Variants in RASA1 observed in about 807,000 individuals in gnomAD.
RASA1 encodes the protein RAS p21 protein activator 1, also known as ras GTPase-activating protein 1.
RASA1 carries 25 observed loss-of-function variants against 132.2 expected under a neutral mutation model. That is an observed-to-expected ratio of 0.19 (90% CI 0.14 to 0.26). The LOEUF is 0.26. RASA1 is among the 10% of genes least tolerant of loss of function. RASA1 has a pLI of 1.00. For missense variants in RASA1, 964 were observed against 1,299.2 expected (o/e 0.74, Z 3.97); for synonymous variants, 477 against 449.9 (o/e 1.06, Z -0.76).
chr5:87,284,328 C>G (rs1754450423), intron 1 of RASA1, among the ~76,000 whole-genome samples: 1 of 152,154 alleles, frequency 6.6e-6, no homozygotes, highest in Non-Finnish European at 1.5e-5. Flanking sequence ...CTATAGGTTG[C>G]TTTCTCTCTC....
chr5:87,386,757 T>A lies in RASA1; in HGVS notation c.2848-69T>A. 2 of 1,393,628 alleles carry A rather than the reference T, an allele frequency of 1.4e-6. 1 individual carries two copies. The highest frequency in any genetic ancestry group is 2.3e-5 in the South Asian group (2 of 86,392). 86.3% of individuals were successfully genotyped at this position (1,393,628 alleles called of 1,614,324 possible). On this transcript the variant is annotated intron_variant, in intron 22 of 24. Coordinates refer to ENST00000274376, the MANE Select transcript of RASA1 (RefSeq NM_002890.3). Reference sequence around the variant, plus strand: ...TTTTGCTGTTAACTGTAATTACTTTTGCACCAACCTAATAGATCAAACAGT... The same window carrying A: ...TTTTGCTGTTAACTGTAATTACTTTAGCACCAACCTAATAGATCAAACAGT...
intron 1 of RASA1, among the ~76,000 whole-genome samples, chr5:87,328,675 A>G (rs1757405009): frequency 6.6e-6 from 1 of 152,182 alleles, no homozygotes; most frequent in African/African-American, 2.4e-5. Flanking sequence ...GGGGCTAATT[A>G]GAATATATGA....
chr5:87,367,974 T>TA (rs56965674), intron 11 of RASA1, among the ~76,000 whole-genome samples: 2,191 of 150,512 alleles, frequency 0.015, 25 homozygotes, highest in African/African-American at 0.02. Context: ...AACTATAAAT[T>TA]AAAAAAAAAA....
At chr5:87,353,459 C>G (rs1408211112) in intron 9 of RASA1, among the ~76,000 whole-genome samples, 1 of 151,688 alleles carries the variant, frequency 6.6e-6, no homozygotes, top group Non-Finnish European at 1.5e-5. Context: ...TAGAAGCAGT[C>G]GTGGAGGAAG....
intron 2 of RASA1, 117 bp from the exon 3 acceptor site, chr5:87,332,390 A>G: frequency 9.5e-7 from 1 of 1,057,426 alleles, no homozygotes; most frequent in Non-Finnish European, 1.4e-6. Flanking sequence ...TAGTATAAGG[A>G]TATAGTTACA....
At chr5:87,293,474 A>G (rs577592832) in intron 1 of RASA1, among the ~76,000 whole-genome samples, 100 of 152,178 alleles carry the variant, frequency 6.6e-4, no homozygotes, top group African/African-American at 2.3e-3. Context: ...ACATTGTTGG[A>G]TTTAATTTGC....
At chr5:87,314,060 T>C (rs1467202661) in intron 1 of RASA1, among the ~76,000 whole-genome samples, 1 of 152,120 alleles carries the variant, frequency 6.6e-6, no homozygotes, top group Non-Finnish European at 1.5e-5. Context: ...TCCCAGCTAT[T>C]CGGGAGGCTG....
intron 1 of RASA1, among the ~76,000 whole-genome samples, chr5:87,292,858 A>C (rs558112020): frequency 6.6e-6 from 1 of 152,026 alleles, no homozygotes; most frequent in Non-Finnish European, 1.5e-5. Flanking sequence ...GATCCTGTAC[A>C]TATTTTGTTA....
At chr5:87,309,580 C>T (rs1245229527) in intron 1 of RASA1, among the ~76,000 whole-genome samples, 4 of 152,116 alleles carry the variant, frequency 2.6e-5, no homozygotes, top group African/African-American at 7.2e-5. Flanking sequence ...TTTATCTAGT[C>T]TTATGATACT....
intron 1 of RASA1, among the ~76,000 whole-genome samples, chr5:87,301,626 A>G (rs1755368041): frequency 6.6e-6 from 1 of 152,180 alleles, no homozygotes; most frequent in Non-Finnish European, 1.5e-5. Context: ...GCTTAGGACC[A>G]GAAGTGTTTC....
chr5:87,309,644 T>G (rs1418913471), intron 1 of RASA1, among the ~76,000 whole-genome samples: 1 of 152,098 alleles, frequency 6.6e-6, no homozygotes, highest in East Asian at 1.9e-4. Flanking sequence ...CATGCACATC[T>G]TGTATTTTGC....
At chr5:87,374,524 C>T (rs1761187001) in intron 14 of RASA1, among the ~76,000 whole-genome samples, 2 of 133,928 alleles carry the variant, frequency 1.5e-5, no homozygotes, top group Admixed American at 1.6e-4. Flanking sequence ...CTTGGTTTTT[C>T]CACTTAGTTA....
Position 87,389,496 on chromosome 5 carries a change from G to A in RASA1, c.3029G>A (p.Arg1010Gln), listed in dbSNP as rs886060844. 1.2e-6 allele frequency: 2 copies of A among 1,613,926 alleles called. No individual in the cohort carries two copies. Among genetic ancestry groups the A allele is most frequent in the Non-Finnish European group, 8.5e-7 (1 of 1,179,964 alleles). ...TGCGTGGCTCATTCAGATGAACTTC[G>A]AACGCTCAGTAATGAGCGTGGTGCA... ...EICVAHSDEL[R>Q]TLSNERGAQQ... Residue 1010 changes from arginine to glutamine, a missense_variant, in exon 24 of 25, where the codon CGA becomes CAA. Arg to Gln is a conservative substitution (Grantham distance 43). Transcript: ENST00000274376.
At chr5:87,344,146 A>G (rs965060877) in intron 6 of RASA1, among the ~76,000 whole-genome samples, 1 of 152,162 alleles carries the variant, frequency 6.6e-6, no homozygotes, top group East Asian at 1.9e-4. Context: ...AATAAGATCT[A>G]ATTTACTGGA....
chr5:87,295,386 G>A (rs1018770469), intron 1 of RASA1, among the ~76,000 whole-genome samples: 7 of 151,462 alleles, frequency 4.6e-5, no homozygotes, highest in Non-Finnish European at 8.8e-5. Flanking sequence ...TTTTCTATTT[G>A]TTGCCCTGTT....
intron 1 of RASA1, among the ~76,000 whole-genome samples, chr5:87,285,298 A>C (rs1370498154): frequency 6.6e-6 from 1 of 151,572 alleles, no homozygotes; most frequent in Non-Finnish European, 1.5e-5. Context: ...TGATTTCTTG[A>C]CCTCGTGATC....
Position 87,363,398 on chromosome 5 carries a change from G to T in RASA1, c.1504G>T (p.Ala502Ser), listed in dbSNP as rs778999159. The T allele has an allele frequency of 3.7e-5, 60 of 1,610,750 alleles. 1 individual carries two copies. The Admixed American group carries it at 7.3e-4, about 20-fold the overall frequency. ...ATATTTTATCTTAGAGGGTAGTGAT[G>T]CCCAACTTATTTATTTTGAAAGCGA... ...NLYFILEGSDAQLIYFESEKR... is the reference protein window; with the variant it reads ...NLYFILEGSDSQLIYFESEKR... The change falls in exon 11 of 25, where the codon GCC (alanine) becomes TCC (serine). Residue 502 changes from alanine (A) to serine (S), a missense_variant. Physicochemically the swap from Ala to Ser is moderately conservative, Grantham distance 99. Around this residue, in one of 6 missense-constraint regions of RASA1, gnomAD observed 346 missense variants for 520.1 expected, o/e 0.67. Transcript: ENST00000274376.
Position 87,268,183 on chromosome 5 carries a change from G to A in RASA1, c.-269G>A. 1.8e-6 allele frequency: 1 copy of A among 545,708 alleles called. No individual in the cohort carries two copies. The highest frequency in any genetic ancestry group is 3.2e-6 in the Non-Finnish European group (1 of 311,540). The allele number at this position is 545,708 out of a possible 1,614,324, so 33.8% of individuals were successfully genotyped here. On this transcript the variant is annotated 5_prime_UTR_variant, in exon 1 of 25. The change creates a new upstream start codon in the 5' untranslated region. Transcript: ENST00000274376. ...TCTGTACATGTGTTTGTGTGCGTGA[G>A]TGTGGGTGTGTGCGGTGAGGTTTGG...
intron 12 of RASA1, 122 bp downstream of exon 12, chr5:87,370,022 T>C: frequency 2.3e-6 from 2 of 858,940 alleles, no homozygotes; most frequent in Non-Finnish European, 3.7e-6. Context: ...TCTAATCATC[T>C]CTTATTTTAA....
Sources: allele counts gnomAD v4.1 joint callset (sites outside exome capture counted in the v4.1 genomes callset), GRCh38; gene constraint gnomAD v4.1.1; regional missense constraint gnomAD v4.1.1; transcripts MANE v1.5; gene names NCBI Gene and HGNC (gene_info 2026-07-23, HGNC 2026-07-21).